IQSEC1: variants seen among roughly 807,000 people sequenced by gnomAD.
IQSEC1 encodes the protein IQ motif and SEC7 domain-containing protein 1.
Under a neutral mutation model 91.0 loss-of-function variants are expected in IQSEC1, and 31 were observed. That is an observed-to-expected ratio of 0.34 (90% CI 0.26 to 0.46). IQSEC1 has a LOEUF of 0.46. Ranked by LOEUF, IQSEC1 falls within the 20% of genes least tolerant of loss-of-function variation. IQSEC1 has a pLI of 1.00. For missense variants in IQSEC1, 1,388 were observed against 1,575.6 expected, an observed-to-expected ratio of 0.88 and a Z score of 2.02; for synonymous variants, 699 against 662.6, an observed-to-expected ratio of 1.05 and a Z score of -0.84.
chr3:13,007,047 G>A (rs898853359), intron 1 of IQSEC1, among the ~76,000 whole-genome samples: 1 of 152,248 alleles, frequency 6.6e-6, no homozygotes. Context: ...AGTCGGTTTT[G>A]CTAGGCTTTG....
At chr3:13,162,001 G>C (rs900518054) in intron 2 of IQSEC1, among the ~76,000 whole-genome samples, 4 of 152,172 alleles carry the variant, frequency 2.6e-5, no homozygotes, top group African/African-American at 9.7e-5. Flanking sequence ...TCCTCCCCCA[G>C]GGCTGGGTTC....
intron 2 of IQSEC1, among the ~76,000 whole-genome samples, chr3:13,121,931 G>A (rs1457294625): frequency 1.3e-5 from 2 of 152,220 alleles, no homozygotes; most frequent in Non-Finnish European, 2.9e-5. Context: ...GGCTGAATGG[G>A]GACCTTCATC....
chr3:13,165,351 G>C (rs1693466616), intron 1 of IQSEC1, among the ~76,000 whole-genome samples: 1 of 152,100 alleles, frequency 6.6e-6, no homozygotes, highest in South Asian at 2.1e-4. Flanking sequence ...GGGGGCCATG[G>C]GACAAGGTGC....
At position 12,967,051 on chromosome 3, in the gene IQSEC1, C is replaced by T. The variant is rs1700618137; in HGVS notation, c.24-25186G>A. On this transcript the variant is annotated intron_variant, in intron 1 of 13. Transcript: ENST00000613206. This position sits in a 1 kb window ranked among gnomAD's most constrained non-coding sequence, Gnocchi z 5.9. ...AGTCCCACTGTTTCCCTCTCAAGCC[C>T]CCAAACTCAAACTCACCCCCACACC... 6.6e-6 allele frequency among the ~76,000 whole-genome samples: 1 copy of T among 151,844 alleles called. No homozygotes were observed. Among genetic ancestry groups the T allele is most frequent in the Non-Finnish European group, 1.5e-5 (1 of 67,954 alleles).
intron 1 of IQSEC1, among the ~76,000 whole-genome samples, chr3:13,006,545 G>A (rs1702641433): frequency 1.3e-5 from 2 of 152,258 alleles, no homozygotes; most frequent in African/African-American, 2.4e-5. Flanking sequence ...CAGCCCAGCT[G>A]AGCATAGCCA....
chr3:13,132,291 G>A (rs568413416), intron 2 of IQSEC1, among the ~76,000 whole-genome samples: 112 of 152,310 alleles, frequency 7.4e-4, no homozygotes, highest in Middle Eastern at 6.8e-3. Context: ...TTTATGAATC[G>A]TGAGGTTTTC....
intron 1 of IQSEC1, among the ~76,000 whole-genome samples, chr3:13,253,248 A>C (rs114851340): frequency 1.2e-3 from 177 of 152,342 alleles, no homozygotes; most frequent in African/African-American, 4.2e-3. Flanking sequence ...TGAGGCAGAG[A>C]GAGGCTTGGT....
intron 2 of IQSEC1, among the ~76,000 whole-genome samples, chr3:13,097,512 C>T (rs1465672564): frequency 6.6e-6 from 1 of 152,190 alleles, no homozygotes; most frequent in Admixed American, 6.5e-5. Context: ...ACACGGCCTG[C>T]CAGCTCGAGC....
intron 1 of IQSEC1, among the ~76,000 whole-genome samples, chr3:13,037,726 T>C (rs11929559): frequency 0.19 from 28,775 of 152,034 alleles, 2,908 homozygotes; most frequent in South Asian, 0.36. Context: ...TGGATGAACC[T>C]TGAGGCCACT....
intron 2 of IQSEC1, among the ~76,000 whole-genome samples, chr3:13,134,064 G>A (rs1706667670): frequency 6.6e-6 from 1 of 152,216 alleles, no homozygotes; most frequent in Non-Finnish European, 1.5e-5. Context: ...AAATGGGTCA[G>A]TGGAAAGAAA....
chr3:13,242,327 G>T (rs948491129), intron 1 of IQSEC1, among the ~76,000 whole-genome samples: 7 of 152,240 alleles, frequency 4.6e-5, no homozygotes, highest in African/African-American at 1.4e-4. Context: ...TGACCCACAT[G>T]AGGTGCGGTG....
At chr3:13,151,280 C>T (rs1706994756) in intron 2 of IQSEC1, among the ~76,000 whole-genome samples, 1 of 152,156 alleles carries the variant, frequency 6.6e-6, no homozygotes, top group African/African-American at 2.4e-5. Flanking sequence ...TGTCACAGCC[C>T]CTTCTGCCCC....
chr3:13,097,876 T>G (rs990505423), intron 2 of IQSEC1, among the ~76,000 whole-genome samples: 1 of 152,264 alleles, frequency 6.6e-6, no homozygotes, highest in African/African-American at 2.4e-5. Context: ...GCAGCCCCTT[T>G]CTTCATGACC....
chr3:13,070,010 C>T (rs1377816746), intron 1 of IQSEC1, among the ~76,000 whole-genome samples: 3 of 151,310 alleles, frequency 2.0e-5, no homozygotes, highest in Admixed American at 6.6e-5. Context: ...GACAGAGTCT[C>T]GATTCCATAA....
rs558429910 is a variant in IQSEC1, at chr3:13,133,301, C to T, written c.302+30803G>A. Among the ~76,000 whole-genome samples, 10 of 152,348 alleles carry T rather than the reference C, an allele frequency of 6.6e-5. No individual in the cohort carries two copies. The South Asian group carries it at 8.3e-4, about 13-fold the overall frequency. On this transcript the variant is annotated intron_variant, in intron 2 of 15. Transcript: ENST00000648114. ...AGGGTGCAAGCAGGTGCTGGATGATCTCTTGGTTCTCTTAGCAGGGATATT... is the reference window on the plus strand; with the variant it reads ...AGGGTGCAAGCAGGTGCTGGATGATTTCTTGGTTCTCTTAGCAGGGATATT...
intron 1 of IQSEC1, among the ~76,000 whole-genome samples, chr3:13,228,047 C>A (rs978564229): frequency 1.3e-5 from 2 of 152,140 alleles, no homozygotes; most frequent in Non-Finnish European, 2.9e-5. Context: ...TGTCTATGCG[C>A]CTCCTGCTCT....
At chr3:13,268,585 C>CTTATA (rs1695536869) in intron 1 of IQSEC1, among the ~76,000 whole-genome samples, 1 of 152,150 alleles carries the variant, frequency 6.6e-6, no homozygotes, top group African/African-American at 2.4e-5. Flanking sequence ...TGAGACTGCA[C>CTTATA]TGATGTCACG....
At chr3:13,126,649 TG>T (rs1282430797) in intron 2 of IQSEC1, among the ~76,000 whole-genome samples, 1 of 152,258 alleles carries the variant, frequency 6.6e-6, no homozygotes, top group East Asian at 1.9e-4. Flanking sequence ...CAGCAGATGA[TG>T]AAAGTTTCCA....
chr3:13,175,656 G>A (rs893545682), intron 1 of IQSEC1, among the ~76,000 whole-genome samples: 2 of 152,256 alleles, frequency 1.3e-5, no homozygotes, highest in Admixed American at 6.5e-5. Context: ...CCATACGCTG[G>A]CTGGCTTATA....
Sources: gnomAD v4.1 joint callset for allele counts (sites outside exome capture counted in the v4.1 genomes callset) on GRCh38, gnomAD v4.1.1 for gene constraint, Gnocchi (gnomAD v3.1) non-coding constraint, MANE v1.5 for transcripts, NCBI Gene and HGNC (gene_info 2026-07-23, HGNC 2026-07-21) for gene names.